Variants in LPP observed in about 807,000 individuals in gnomAD.
LPP encodes lipoma-preferred partner.
LPP carries 38 observed loss-of-function variants against 60.4 expected under a neutral mutation model. The ratio of observed to expected loss-of-function variants is 0.63; its 90% confidence interval spans 0.49 to 0.83. The LOEUF is 0.83. Among genes scored for constraint, LPP ranks in the 40% least tolerant of loss-of-function variants. The pLI is 0.00. For missense variants in LPP, 902 were observed against 783.6 expected (o/e 1.15, Z -1.80); for synonymous variants, 328 against 290.8 (o/e 1.13, Z -1.30).
intron 4 of LPP, among the ~76,000 whole-genome samples, chr3:188,463,730 G>GTAC (rs1436752554): frequency 6.6e-6 from 1 of 152,162 alleles, no homozygotes; most frequent in Non-Finnish European, 1.5e-5. Flanking sequence ...AGTAGAAATT[G>GTAC]TACTAGCTAT....
chr3:188,498,812 A>G (rs1202006425), intron 5 of LPP, among the ~76,000 whole-genome samples: 1 of 152,060 alleles, frequency 6.6e-6, no homozygotes, highest in Non-Finnish European at 1.5e-5. Context: ...GTCCTTGCCG[A>G]CACTGTTTTT....
At chr3:188,808,688 T>G (rs1388576277) in intron 9 of LPP, among the ~76,000 whole-genome samples, 1 of 152,184 alleles carries the variant, frequency 6.6e-6, no homozygotes, top group Non-Finnish European at 1.5e-5. Flanking sequence ...TATTTTACTT[T>G]AAGTTCCAGG....
At chr3:188,240,168 GT>G in intron 2 of LPP, 1 of 184,956 alleles carries the variant, frequency 5.4e-6, no homozygotes, top group East Asian at 8.7e-5. Flanking sequence ...TCAAGGTGGG[GT>G]TTATGTGTAA....
At chr3:188,525,599 T>C (rs189585566) in intron 6 of LPP, among the ~76,000 whole-genome samples, 1 of 152,352 alleles carries the variant, frequency 6.6e-6, no homozygotes, top group Admixed American at 6.5e-5. Flanking sequence ...TGATTTTCAT[T>C]ATTTTTGTCA....
chr3:188,504,232 C>G (rs1421027007), intron 5 of LPP, among the ~76,000 whole-genome samples: 2 of 152,140 alleles, frequency 1.3e-5, no homozygotes, highest in Non-Finnish European at 2.9e-5. Context: ...TTGAGTTCCT[C>G]TAGTGAATTT....
intron 3 of LPP, among the ~76,000 whole-genome samples, chr3:188,351,386 G>A (rs191755779): frequency 1.1e-3 from 172 of 152,188 alleles, no homozygotes; most frequent in Admixed American, 1.6e-3. Context: ...TCTGCAAATC[G>A]TGCCCACATC....
intron 3 of LPP, among the ~76,000 whole-genome samples, chr3:188,395,666 CTT>C (rs139293620): frequency 0.01 from 1,554 of 152,188 alleles, 27 homozygotes; most frequent in African/African-American, 0.035. Flanking sequence ...GGTGTGATGA[CTT>C]TAATCTCAGC....
intron 7 of LPP, among the ~76,000 whole-genome samples, chr3:188,678,599 A>AT (rs1433152765): frequency 1.3e-5 from 2 of 152,096 alleles, no homozygotes; most frequent in African/African-American, 2.4e-5. Flanking sequence ...CAAACTTTAT[A>AT]TTTTTTCCAT....
intron 2 of LPP, among the ~76,000 whole-genome samples, chr3:188,227,557 A>C (rs1718278462): frequency 6.6e-6 from 1 of 152,038 alleles, no homozygotes; most frequent in Non-Finnish European, 1.5e-5. Context: ...ATCTAGAACA[A>C]AGTGAGTGGG....
intron 2 of LPP, among the ~76,000 whole-genome samples, chr3:188,340,615 A>G (rs1356969034): frequency 6.6e-6 from 1 of 152,152 alleles, no homozygotes; most frequent in Non-Finnish European, 1.5e-5. Context: ...CTCTGAACCT[A>G]GGGCATGATT....
intron 3 of LPP, among the ~76,000 whole-genome samples, chr3:188,363,794 A>G (rs375462391): frequency 7.3e-5 from 11 of 151,068 alleles, no homozygotes; most frequent in African/African-American, 2.7e-4. Flanking sequence ...AATCCCAACT[A>G]CTAGGGAGGC....
intron 7 of LPP, among the ~76,000 whole-genome samples, chr3:188,658,254 C>T (rs1853797690): frequency 1.3e-5 from 2 of 151,860 alleles, no homozygotes; most frequent in African/African-American, 2.4e-5. Context: ...AGCAATTCTC[C>T]CTGCCTCAGC....
intron 6 of LPP, among the ~76,000 whole-genome samples, chr3:188,536,002 A>ATTTTTTTTTTTTTTTTTTTT (rs11293389): frequency 8.2e-6 from 1 of 121,762 alleles, no homozygotes; most frequent in Non-Finnish European, 1.7e-5. Context: ...TATTACATGA[A>ATTTTTTTTTTTTTTTTTTTT]TTTTTTTTTT....
intron 9 of LPP, among the ~76,000 whole-genome samples, chr3:188,823,512 G>A (rs1754562409): frequency 6.6e-6 from 1 of 152,128 alleles, no homozygotes; most frequent in Non-Finnish European, 1.5e-5. Flanking sequence ...AGTCTATGTT[G>A]TAAATGATAA....
At chr3:188,871,471 T>C (rs1354319166) in intron 10 of LPP, among the ~76,000 whole-genome samples, 1 of 152,232 alleles carries the variant, frequency 6.6e-6, no homozygotes, top group East Asian at 1.9e-4. Flanking sequence ...CAGATGCTTT[T>C]TGGGTGCTGC....
chr3:188,445,485 G>C (rs1795014216), intron 4 of LPP, among the ~76,000 whole-genome samples: 1 of 152,122 alleles, frequency 6.6e-6, no homozygotes, highest in South Asian at 2.1e-4. Flanking sequence ...ACCGGGGCCT[G>C]TTGGGCAGTG....
At chr3:188,539,929 C>T (rs1560537779) in intron 6 of LPP, among the ~76,000 whole-genome samples, 2 of 152,088 alleles carry the variant, frequency 1.3e-5, no homozygotes, top group Non-Finnish European at 2.9e-5. Flanking sequence ...TCATATAAAA[C>T]TTGGAAGGAA....
chr3:188,835,543 C>T (rs989868843), intron 9 of LPP, among the ~76,000 whole-genome samples: 2 of 151,846 alleles, frequency 1.3e-5, no homozygotes, highest in Non-Finnish European at 1.5e-5. Flanking sequence ...CACTCGAACC[C>T]GGGAGGTGGA....
chr3:188,658,450 T>A (rs1215122643), intron 7 of LPP, among the ~76,000 whole-genome samples: 1 of 152,126 alleles, frequency 6.6e-6, no homozygotes, highest in African/African-American at 2.4e-5. Context: ...GCAACTGGCT[T>A]AACAAACTAA....
Sources: allele counts gnomAD v4.1 joint callset (sites outside exome capture counted in the v4.1 genomes callset), GRCh38; gene constraint gnomAD v4.1.1; transcripts MANE v1.5; gene names NCBI Gene and HGNC (gene_info 2026-07-23, HGNC 2026-07-21).